Variants in DLGAP2 observed in about 807,000 individuals in gnomAD.
DLGAP2 encodes DLG associated protein 2, also known as disks large-associated protein 2.
Under a neutral mutation model 100.3 loss-of-function variants are expected in DLGAP2, and 26 were observed. The ratio of observed to expected loss-of-function variants is 0.26; its 90% CI spans 0.19 to 0.36. The LOEUF (loss-of-function observed/expected upper bound fraction) is 0.36. DLGAP2 is among the 10% of genes least tolerant of loss of function. The probability of loss-of-function intolerance (pLI) is 1.00; values close to 1 mark genes in which losing one functional copy is unlikely to be tolerated. For missense variants in DLGAP2, 1,858 were observed against 1,453.2 expected, an observed-to-expected ratio of 1.28 and a Z score of -4.53; for synonymous variants, 886 against 630.1, an observed-to-expected ratio of 1.41 and a Z score of -6.08.
At chr8:785,914 G>A (rs1485707121) in intron 1 of DLGAP2, among the ~76,000 whole-genome samples, 1 of 152,102 alleles carries the variant, frequency 6.6e-6, no homozygotes, top group Non-Finnish European at 1.5e-5. Context: ...GGCCCCTCCC[G>A]GGTGCTGCAG....
intron 3 of DLGAP2, among the ~76,000 whole-genome samples, chr8:1,390,294 C>G (rs1031012328): frequency 1.1e-4 from 16 of 152,338 alleles, no homozygotes; most frequent in African/African-American, 3.4e-4. Context: ...GTCACCTACA[C>G]AACGCTGTGG....
chr8:1,565,692 G>A lies in DLGAP2; in HGVS notation c.1240G>A (p.Asp414Asn), dbSNP rs1584933424. Residue 414 changes from aspartate to asparagine, a missense_variant, in exon 6 of 15, where the codon GAT becomes AAT. By Grantham distance (23) the Asp-to-Asn change is conservative. Coordinates refer to ENST00000637795, the MANE Select transcript of DLGAP2 (RefSeq NM_001346810.2). ...GTCTGTCTGCTCCCAGGTACCTCAG[G>A]ATGAGTGGGGAGGGTACCCCACCGG... ...RPCHYLQVPQ[D>N]EWGGYPTGGK... 4 of 1,612,212 alleles carry A rather than the reference G, an allele frequency of 2.5e-6. No homozygotes were observed. Among genetic ancestry groups the A allele is most frequent in the East Asian group, 4.5e-5 (2 of 44,840 alleles).
At chr8:910,434 C>CG (rs1164989094) in intron 2 of DLGAP2, 1 of 152,198 alleles carries the variant, frequency 6.6e-6, no homozygotes, top group Non-Finnish European at 1.5e-5. Flanking sequence ...CTTTCCCATA[C>CG]GGTCTTGTTC....
intron 2 of DLGAP2, among the ~76,000 whole-genome samples, chr8:1,221,168 G>A (rs986923468): frequency 2.0e-5 from 3 of 152,098 alleles, no homozygotes; most frequent in Non-Finnish European, 4.4e-5. Flanking sequence ...ATGTATACTC[G>A]GTTATATAGT....
chr8:1,391,592 C>G (rs763020662), intron 3 of DLGAP2, among the ~76,000 whole-genome samples: 2 of 152,214 alleles, frequency 1.3e-5, no homozygotes, highest in Non-Finnish European at 2.9e-5. Context: ...CCTCACAGAG[C>G]TGGCCCCATG....
chr8:1,482,721 C>A (rs940974830), intron 3 of DLGAP2, among the ~76,000 whole-genome samples: 6 of 152,238 alleles, frequency 3.9e-5, no homozygotes, highest in African/African-American at 1.4e-4. Context: ...GATGCGCTTC[C>A]TTCCACAGCT....
intron 4 of DLGAP2, among the ~76,000 whole-genome samples, chr8:1,506,445 G>A (rs545024140): frequency 6.6e-6 from 1 of 152,268 alleles, no homozygotes; most frequent in South Asian, 2.1e-4. Flanking sequence ...TCTTCCTTCT[G>A]GTCGGTTTGT....
At chr8:847,235 A>G (rs552415107) in intron 1 of DLGAP2, among the ~76,000 whole-genome samples, 1 of 152,308 alleles carries the variant, frequency 6.6e-6, no homozygotes, top group African/African-American at 2.4e-5. Flanking sequence ...GAACTTTTCC[A>G]TATTATCTTA....
intron 2 of DLGAP2, among the ~76,000 whole-genome samples, chr8:1,179,096 T>C (rs1797325039): frequency 6.6e-6 from 1 of 152,266 alleles, no homozygotes; most frequent in African/African-American, 2.4e-5. Context: ...AAGCATCAAG[T>C]GACTTTTCTA....
intron 1 of DLGAP2, among the ~76,000 whole-genome samples, chr8:852,476 A>G (rs553050455): frequency 9.2e-5 from 14 of 152,224 alleles, no homozygotes; most frequent in Non-Finnish European, 2.1e-4. Flanking sequence ...TCAGCTGTAA[A>G]TTGTAATGAA....
chr8:1,442,504 G>A (rs1162545685), intron 3 of DLGAP2, among the ~76,000 whole-genome samples: 546 of 126,876 alleles, frequency 4.3e-3, no homozygotes, highest in African/African-American at 0.015. Flanking sequence ...AGACGGATCC[G>A]GGCATAGACC....
At chr8:1,093,922 G>T (rs1485443412) in intron 2 of DLGAP2, among the ~76,000 whole-genome samples, 1 of 152,120 alleles carries the variant, frequency 6.6e-6, no homozygotes, top group African/African-American at 2.4e-5. Flanking sequence ...AAGCGGGGCT[G>T]AAGTCCATGC....
At chr8:807,572 C>G (rs1483070909) in intron 1 of DLGAP2, among the ~76,000 whole-genome samples, 1 of 86,794 alleles carries the variant, frequency 1.2e-5, no homozygotes, top group Non-Finnish European at 2.3e-5. Flanking sequence ...TTTTTCTTCT[C>G]ATTCATATGT....
At chr8:1,521,616 C>T (rs111939550) in intron 4 of DLGAP2, among the ~76,000 whole-genome samples, 16 of 22,814 alleles carry the variant, frequency 7.0e-4, no homozygotes, top group East Asian at 1.9e-3. Context: ...AATACTCGGG[C>T]GGCAGGTGAT....
intron 1 of DLGAP2, among the ~76,000 whole-genome samples, chr8:770,790 A>G (rs762194494): frequency 2.0e-5 from 3 of 151,920 alleles, no homozygotes; most frequent in Non-Finnish European, 4.4e-5. Flanking sequence ...ACAGTTATAT[A>G]CTGACCTGTA....
At chr8:1,605,321 G>T (rs539044085) in intron 6 of DLGAP2, among the ~76,000 whole-genome samples, 35 of 152,164 alleles carry the variant, frequency 2.3e-4, no homozygotes, top group Non-Finnish European at 4.7e-4. Context: ...TTACCTACTT[G>T]ATTCGCACTT....
At chr8:1,229,633 C>G (rs1488300070) in intron 2 of DLGAP2, among the ~76,000 whole-genome samples, 1 of 152,048 alleles carries the variant, frequency 6.6e-6, no homozygotes, top group Admixed American at 6.6e-5. Context: ...TAACAAAATA[C>G]TAATAAAACC....
chr8:1,657,732 A>G (rs1333101915), intron 8 of DLGAP2, among the ~76,000 whole-genome samples: 2 of 152,238 alleles, frequency 1.3e-5, no homozygotes, highest in Non-Finnish European at 2.9e-5. Flanking sequence ...TCTCTATATC[A>G]AAATCATTTT....
chr8:1,451,614 C>G (rs963086956), intron 3 of DLGAP2, among the ~76,000 whole-genome samples: 9 of 152,114 alleles, frequency 5.9e-5, no homozygotes, highest in African/African-American at 2.2e-4. Context: ...CCCCTCCTGG[C>G]TTCCCTCCGC....
Sources: allele counts gnomAD v4.1 joint callset (sites outside exome capture counted in the v4.1 genomes callset), GRCh38; gene constraint gnomAD v4.1.1; transcripts MANE v1.5; gene names NCBI Gene and HGNC (gene_info 2026-07-23, HGNC 2026-07-21).